The following UMODL1 variants were observed in gnomAD, a reference collection of about 807,000 sequenced individuals.
UMODL1 encodes uromodulin like 1.
UMODL1 carries 128 observed loss-of-function variants against 136.3 expected under a neutral mutation model. The observed-to-expected ratio is 0.94, with a 90% confidence interval of 0.81 to 1.09. The LOEUF (loss-of-function observed/expected upper bound fraction) is 1.09, where lower values mean the gene tolerates loss of function less well. Among genes scored for constraint, UMODL1 ranks in the 50% least tolerant of loss-of-function variants. UMODL1 has a pLI of 0.00. For synonymous variants in UMODL1, 721 were observed against 720.0 expected, an observed-to-expected ratio of 1.00 and a Z score of -0.02; for missense variants, 1,766 against 1,725.6, an observed-to-expected ratio of 1.02 and a Z score of -0.41.
intron 8 of UMODL1, 62 bp from the exon 9 acceptor site, chr21:42,103,806 G>C: frequency 1.9e-6 from 3 of 1,594,662 alleles, no homozygotes; most frequent in Non-Finnish European, 2.6e-6. Context: ...GTCACACCTG[G>C]AACCCTGCTT....
intron 13 of UMODL1, among the ~76,000 whole-genome samples, chr21:42,114,251 G>A (rs2042413487): frequency 6.6e-6 from 1 of 152,250 alleles, no homozygotes; most frequent in African/African-American, 2.4e-5. Context: ...TGGATGATCT[G>A]TGAGCAGCCT....
chr21:42,095,856 T>C (rs559237653), intron 6 of UMODL1, among the ~76,000 whole-genome samples: 1 of 152,314 alleles, frequency 6.6e-6, no homozygotes, highest in African/African-American at 2.4e-5. Flanking sequence ...TAGGATAACA[T>C]GGCTGGTGCA....
At chr21:42,138,107 C>T (rs904753796) in intron 22 of UMODL1, among the ~76,000 whole-genome samples, 1 of 152,140 alleles carries the variant, frequency 6.6e-6, no homozygotes, top group Admixed American at 6.6e-5. Context: ...CCATCTCTGC[C>T]ACCCACTCTC....
chr21:42,136,633 A>ACCCTTT, intron 21 of UMODL1, among the ~76,000 whole-genome samples: 1 of 151,916 alleles, frequency 6.6e-6, no homozygotes, highest in East Asian at 1.9e-4. Flanking sequence ...AGTTGTTGCC[A>ACCCTTT]CCCTTTGGCT....
intron 14 of UMODL1, among the ~76,000 whole-genome samples, 187 bp downstream of exon 14, chr21:42,116,172 C>CAAAAAAAAAA (rs56162491): frequency 1.2e-4 from 9 of 75,068 alleles, no homozygotes; most frequent in Admixed American, 3.8e-4. Flanking sequence ...CCATCTCCAC[C>CAAAAAAAAAA]AAAAAAAAAA....
Position 42,115,961 on chromosome 21 carries a change from T to C in UMODL1, c.2451T>C (p.Asp817=). 2 of 1,613,658 alleles carry C rather than the reference T, an allele frequency of 1.2e-6. No homozygotes were observed. Among genetic ancestry groups the C allele is most frequent in the Non-Finnish European group, 8.5e-7 (1 of 1,179,828 alleles). ...FRNASSQEYR[D]FLELFFRMVR... ...ACGCAAGCAGCCAGGAGTATCGAGA[T>C]TTCCTAGAACTATTCTTCAGGATGG... is the stretch of plus-strand genomic sequence containing the variant. Residue 817 remains aspartate (D), a synonymous_variant, in exon 14 of 23, where the codon GAT becomes GAC. Transcript: ENST00000408910.
At chr21:42,105,789 C>T (rs143359674) in intron 9 of UMODL1, among the ~76,000 whole-genome samples, 64 of 152,018 alleles carry the variant, frequency 4.2e-4, no homozygotes, top group Non-Finnish European at 7.5e-4. Context: ...GTTTGGACTT[C>T]GCCTCCGGAA....
intron 21 of UMODL1, among the ~76,000 whole-genome samples, chr21:42,132,285 A>G (rs898860299): frequency 1.1e-4 from 16 of 150,986 alleles, no homozygotes; most frequent in African/African-American, 3.9e-4. Flanking sequence ...CTATTCATCT[A>G]TCATCCATCC....
At chr21:42,139,179 A>G (rs2067247027) in intron 22 of UMODL1, among the ~76,000 whole-genome samples, 1 of 152,188 alleles carries the variant, frequency 6.6e-6, no homozygotes, top group Non-Finnish European at 1.5e-5. Flanking sequence ...TACTAATAAA[A>G]GAAGAAGAGA....
At chr21:42,108,350 A>G (rs774808252) in intron 9 of UMODL1, 2 of 526,254 alleles carry the variant, frequency 3.8e-6, no homozygotes, top group Admixed American at 2.0e-5. Context: ...TGGCACCAGC[A>G]GTGTTCTGAT....
At chr21:42,076,327 A>G in intron 2 of UMODL1, 80 bp downstream of exon 2, 3 of 1,583,196 alleles carry the variant, frequency 1.9e-6, no homozygotes, top group Non-Finnish European at 2.6e-6. Context: ...GTTGGCATCC[A>G]TTGGCCCCGA....
At position 42,119,303 on chromosome 21, in the gene UMODL1, A is replaced by G; in HGVS notation, c.2668A>G (p.Arg890Gly). The G allele has an allele frequency of 6.2e-7, 1 of 1,614,100 alleles. No homozygotes were observed. The highest frequency in any genetic ancestry group is 8.5e-7 in the Non-Finnish European group (1 of 1,180,016). ...GACCGTGCCTCTGCTGGAGGTGATC[A>G]GAGGCGACACCTTCATACAGGGTAC... ...FQTVPLLEVI[R>G]GDTFIQDYDE... The change falls in exon 15 of 23, where the codon AGA becomes GGA. Residue 890 changes from arginine (R) to glycine (G), a missense_variant. By Grantham distance (125) the Arg-to-Gly change is moderately radical (BLOSUM62 -2). Coordinates refer to ENST00000408910, the MANE Select transcript of UMODL1 (RefSeq NM_001004416.3).
chr21:42,136,111 G>A (rs751246025), intron 21 of UMODL1, among the ~76,000 whole-genome samples: 27 of 152,104 alleles, frequency 1.8e-4, no homozygotes, highest in Non-Finnish European at 3.2e-4. Flanking sequence ...CACACGGTGG[G>A]CAGAGGGTCA....
chr21:42,083,120 G>A (rs536322919), intron 2 of UMODL1, among the ~76,000 whole-genome samples: 1 of 152,294 alleles, frequency 6.6e-6, no homozygotes, highest in South Asian at 2.1e-4. Flanking sequence ...AAGGGCTGGG[G>A]AGCTGTGCAG....
chr21:42,109,674 C>A lies in UMODL1; in HGVS notation c.1632C>A (p.Pro544=), dbSNP rs772725985. ...GCCGTACCACCAGGGACGCCACCCC[C>A]TCCCGCGCAGGCCGGGCCTGTGAGG... ...CQCRTTRDAT[P]SRAGRACEGD... Residue 544 remains proline (P), a synonymous_variant, in exon 10 of 23, where the codon CCC becomes CCA. Transcript: ENST00000408910. 5 of 1,605,830 alleles carry A rather than the reference C, an allele frequency of 3.1e-6. No individual in the cohort carries two copies. The highest frequency in any genetic ancestry group is 2.2e-5 in the East Asian group (1 of 44,894).
rs111857163 is a variant in UMODL1, at chr21:42,077,325, A to G, written c.319+1078A>G. 5.8e-3 allele frequency among the ~76,000 whole-genome samples: 883 copies of G among 152,194 alleles called. 7 individuals are homozygous for G. The highest frequency in any genetic ancestry group is 0.02 in the African/African-American group (825 of 41,528). ...ACCCAGGCGAGTTAGAGAAAACGCC[A>G]TACTTTGAGACGAATTAAGAGTCTT... On this transcript the variant is annotated intron_variant, in intron 2 of 22. Coordinates refer to ENST00000408910, the MANE Select transcript of UMODL1 (RefSeq NM_001004416.3).
Position 42,142,887 on chromosome 21 carries a change from T to G in UMODL1, c.*813T>G, listed in dbSNP as rs1394474455. 1.3e-5 allele frequency: 2 copies of G among 152,150 alleles called. No individual in the cohort carries two copies. Among genetic ancestry groups the G allele is most frequent in the Non-Finnish European group, 2.9e-5 (2 of 68,024 alleles). The allele number at this position is 152,150 out of a possible 1,614,324, so 9.4% of individuals were successfully genotyped here. On this transcript the variant is annotated 3_prime_UTR_variant, in exon 23 of 23. Coordinates refer to ENST00000408910, the MANE Select transcript of UMODL1 (RefSeq NM_001004416.3). ...GTCACAGAATGAATTAGCAAGAAAATGGTTCTAAAATCTAAGTATTTTAGT... is the reference window on the plus strand; with the variant it reads ...GTCACAGAATGAATTAGCAAGAAAAGGGTTCTAAAATCTAAGTATTTTAGT...
chr21:42,076,290 G>T (rs374968270), intron 2 of UMODL1, 43 bp downstream of exon 2: 1 of 1,607,680 alleles, frequency 6.2e-7, no homozygotes, highest in Admixed American at 1.7e-5. Flanking sequence ...CACCCTTGCC[G>T]TCGAGACGCC....
At chr21:42,087,378 A>G (rs147014868) in intron 4 of UMODL1, among the ~76,000 whole-genome samples, 3 of 152,158 alleles carry the variant, frequency 2.0e-5, no homozygotes, top group East Asian at 1.9e-4. Flanking sequence ...GCTCTCCCCA[A>G]ACCTCCTTTG....
Sources: gnomAD v4.1 joint callset for allele counts (sites outside exome capture counted in the v4.1 genomes callset) on GRCh38, gnomAD v4.1.1 for gene constraint, MANE v1.5 for transcripts, NCBI Gene and HGNC (gene_info 2026-07-23, HGNC 2026-07-21) for gene names.